The following ELOVL2 variants were observed in gnomAD, a reference collection of about 807,000 sequenced individuals.
ELOVL2 encodes the protein ELOVL fatty acid elongase 2.
A neutral mutation model predicts 37.7 loss-of-function variants in ELOVL2; 38 were observed. The ratio of observed to expected loss-of-function variants is 1.01; its 90% CI spans 0.78 to 1.32. The LOEUF is 1.32. Among genes scored for constraint, ELOVL2 ranks in the 40% most tolerant of loss-of-function variants. The pLI, the probability that ELOVL2 is intolerant of heterozygous loss-of-function variation, is 0.00. For synonymous variants in ELOVL2, 115 were observed against 122.3 expected (o/e 0.94, Z 0.40); for missense variants, 352 against 363.6 (o/e 0.97, Z 0.26).
chr6:11,039,682 C>T (rs956632376), intron 1 of ELOVL2, among the ~76,000 whole-genome samples: 3 of 152,166 alleles, frequency 2.0e-5, no homozygotes, highest in African/African-American at 7.2e-5. Flanking sequence ...TCTGATATTT[C>T]CTGAAAGGAA....
At chr6:11,009,207 T>G (rs1782529221) in intron 2 of ELOVL2, among the ~76,000 whole-genome samples, 1 of 152,116 alleles carries the variant, frequency 6.6e-6, no homozygotes, top group African/African-American at 2.4e-5. Context: ...AAACAAGGGT[T>G]GAAACAGAAT....
At chr6:10,984,304 C>T (rs893503872) in intron 7 of ELOVL2, among the ~76,000 whole-genome samples, 103 of 152,280 alleles carry the variant, frequency 6.8e-4, no homozygotes, top group African/African-American at 2.2e-3. Context: ...AGGCGTGAGC[C>T]ACTGTGCCCA....
chr6:10,999,963 T>A (rs1782350448), intron 4 of ELOVL2, 124 bp downstream of exon 4: 1 of 810,488 alleles, frequency 1.2e-6, no homozygotes, highest in Admixed American at 2.4e-5. Context: ...CAAGCATTTC[T>A]ATTAGAACAG....
At chr6:10,990,504 C>A in intron 5 of ELOVL2, 62 bp from the exon 6 acceptor site, 1 of 1,474,138 alleles carries the variant, frequency 6.8e-7, no homozygotes, top group East Asian at 2.5e-5. Context: ...TCTTCTTTGT[C>A]AAGTGAGATT....
At chr6:11,035,037 A>T (rs1221213739) in intron 1 of ELOVL2, among the ~76,000 whole-genome samples, 1 of 152,132 alleles carries the variant, frequency 6.6e-6, no homozygotes, top group Non-Finnish European at 1.5e-5. Flanking sequence ...AATAATAATT[A>T]AAAACACTTA....
intron 7 of ELOVL2, among the ~76,000 whole-genome samples, chr6:10,986,787 C>G (rs1782060574): frequency 6.6e-6 from 1 of 152,136 alleles, no homozygotes; most frequent in Non-Finnish European, 1.5e-5. Flanking sequence ...CAATGTTCAT[C>G]AAGGATATTG....
intron 1 of ELOVL2, among the ~76,000 whole-genome samples, chr6:11,038,254 T>C (rs1783044983): frequency 6.6e-6 from 1 of 152,150 alleles, no homozygotes; most frequent in Non-Finnish European, 1.5e-5. Context: ...AAATGTAAAA[T>C]AGTATTATTA....
rs368376209 is a variant in ELOVL2 at position 10,994,620 on chromosome 6, C to T, written c.505+387G>A. Among the ~76,000 whole-genome samples the T allele has an allele frequency of 7.0e-4, 106 of 152,068 alleles. No homozygotes were observed. The South Asian group carries it at 0.014, about 20-fold the overall frequency. ...TTTTCAGAATGTGAAAACAAGAAAC[C>T]CTAAAAGCTGAAATGCCTCGCCTCG... On this transcript the variant is annotated intron_variant, in intron 5 of 7. Transcript: ENST00000354666.
intron 1 of ELOVL2, among the ~76,000 whole-genome samples, chr6:11,043,187 G>A (rs1783129297): frequency 6.6e-6 from 1 of 152,096 alleles, no homozygotes; most frequent in Admixed American, 6.6e-5. Flanking sequence ...GAAGAGAAAG[G>A]AAGTGCGCTT....
intron 4 of ELOVL2, among the ~76,000 whole-genome samples, chr6:10,995,545 C>T (rs1367853363): frequency 6.6e-6 from 1 of 152,196 alleles, no homozygotes; most frequent in Non-Finnish European, 1.5e-5. Context: ...GAACAGTGGC[C>T]TGCTTACTCC....
intron 1 of ELOVL2, among the ~76,000 whole-genome samples, chr6:11,037,301 T>C (rs1256264749): frequency 6.6e-6 from 1 of 151,928 alleles, no homozygotes; most frequent in Non-Finnish European, 1.5e-5. Flanking sequence ...AGTGTAATGG[T>C]CAATGAGCTC....
chr6:10,998,880 A>G (rs1052804927), intron 4 of ELOVL2, among the ~76,000 whole-genome samples: 4 of 152,148 alleles, frequency 2.6e-5, no homozygotes, highest in Non-Finnish European at 4.4e-5. Context: ...AAAAACAAAT[A>G]AAGTTAATTC....
intron 7 of ELOVL2, among the ~76,000 whole-genome samples, chr6:10,988,591 CTATGGGTTAACTTT>C (rs1268133167): frequency 1.3e-5 from 2 of 152,140 alleles, no homozygotes; most frequent in Non-Finnish European, 2.9e-5. Flanking sequence ...ATAAAAACCA[CTATGGGTTAACTTT>C]CAGCAAGTGC....
At chr6:11,021,174 A>G (rs1782760683) in intron 1 of ELOVL2, among the ~76,000 whole-genome samples, 1 of 152,194 alleles carries the variant, frequency 6.6e-6, no homozygotes, top group South Asian at 2.1e-4. Context: ...TGTTCCAGGC[A>G]TATCTAATTA....
In ELOVL2 at chr6:10,981,748, C is replaced by G. The variant is rs1781937368; in HGVS notation, c.*2033G>C. 3 of 152,180 alleles carry G rather than the reference C, an allele frequency of 2.0e-5. No individual in the cohort carries two copies. Among genetic ancestry groups the G allele is most frequent in the Admixed American group, 2.0e-4 (3 of 15,284 alleles). The allele number at this position is 152,180 out of a possible 1,614,324, so 9.4% of individuals were successfully genotyped here. A position where few individuals can be genotyped will look rare whatever the true frequency, so the allele number is the denominator to read the frequency against. On this transcript the variant is annotated 3_prime_UTR_variant, in exon 8 of 8. Transcript: ENST00000354666. Reference sequence around the variant, plus strand: ...GGCCTCACTGGCACGTAAGAATAAGCTGAATGTGATGACCAGTGAGCATAT... The same window carrying G: ...GGCCTCACTGGCACGTAAGAATAAGGTGAATGTGATGACCAGTGAGCATAT...
intron 4 of ELOVL2, among the ~76,000 whole-genome samples, chr6:10,997,677 T>G (rs1334521215): frequency 6.6e-6 from 1 of 152,218 alleles, no homozygotes; most frequent in African/African-American, 2.4e-5. Context: ...GGCAATTAGA[T>G]TTACAGGCTT....
At chr6:11,007,735 C>A (rs1340654786) in intron 2 of ELOVL2, among the ~76,000 whole-genome samples, 1 of 152,182 alleles carries the variant, frequency 6.6e-6, no homozygotes, top group Non-Finnish European at 1.5e-5. Context: ...ATAGTACATG[C>A]TCCAGGAGAC....
intron 3 of ELOVL2, among the ~76,000 whole-genome samples, chr6:11,005,158 C>CA (rs879891585): frequency 2.2e-3 from 299 of 136,454 alleles, no homozygotes; most frequent in African/African-American, 5.6e-3. Context: ...GACTCCATCT[C>CA]AAAAAAAAAA....
At chr6:10,990,168 A>G in intron 6 of ELOVL2, 150 bp downstream of exon 6, 2 of 908,834 alleles carry the variant, frequency 2.2e-6, no homozygotes, top group Non-Finnish European at 3.3e-6. Flanking sequence ...GGGCATTTCA[A>G]CACAAAAAGT....
Sources: allele counts gnomAD v4.1 joint callset (sites outside exome capture counted in the v4.1 genomes callset), GRCh38; gene constraint gnomAD v4.1.1; transcripts MANE v1.5; gene names NCBI Gene and HGNC (gene_info 2026-07-23, HGNC 2026-07-21).